Variants in SLC22A15 observed in about 807,000 individuals in gnomAD.
SLC22A15 encodes solute carrier family 22 member 15.
SLC22A15 carries 45 observed loss-of-function variants against 62.7 expected under a neutral mutation model. The observed-to-expected ratio is 0.72, with a 90% CI of 0.56 to 0.92. The LOEUF is 0.92. Ranked by LOEUF, SLC22A15 falls within the 40% of genes least tolerant of loss-of-function variation. The probability of loss-of-function intolerance (pLI) is 0.00; values close to 1 mark genes in which losing one functional copy is unlikely to be tolerated. For missense variants in SLC22A15, 622 were observed against 665.6 expected (o/e 0.93, Z 0.72); for synonymous variants, 264 against 267.0 (o/e 0.99, Z 0.11).
chr1:116,055,575 T>TA (rs1215936453), intron 8 of SLC22A15, among the ~76,000 whole-genome samples: 3 of 148,870 alleles, frequency 2.0e-5, no homozygotes, highest in African/African-American at 7.5e-5. Flanking sequence ...ATCATCCTGA[T>TA]ACCAAAGCCG....
intron 8 of SLC22A15, among the ~76,000 whole-genome samples, chr1:116,037,844 T>C (rs1157798887): frequency 1.3e-5 from 2 of 152,166 alleles, no homozygotes; most frequent in South Asian, 2.1e-4. Flanking sequence ...ACAAGAATAA[T>C]GGGGATGGTA....
intron 5 of SLC22A15, among the ~76,000 whole-genome samples, chr1:116,027,702 C>T (rs531397250): frequency 3.3e-5 from 5 of 152,028 alleles, no homozygotes; most frequent in Non-Finnish European, 7.4e-5. Context: ...CTCGGCTCAC[C>T]GCAACCTCTG....
chr1:115,978,838 C>T (rs1654454168), intron 1 of SLC22A15, among the ~76,000 whole-genome samples: 1 of 152,228 alleles, frequency 6.6e-6, no homozygotes, highest in Non-Finnish European at 1.5e-5. Context: ...TTTGCTTCCC[C>T]CAGCAGAGTA....
chr1:116,036,996 A>G (rs994219079), intron 7 of SLC22A15, among the ~76,000 whole-genome samples: 1 of 152,246 alleles, frequency 6.6e-6, no homozygotes, highest in Non-Finnish European at 1.5e-5. Flanking sequence ...ATTAAATAAG[A>G]TAATAGATGG....
intron 11 of SLC22A15, 74 bp from the exon 12 acceptor site, chr1:116,066,945 T>C (rs1200308733): frequency 9.2e-6 from 11 of 1,193,292 alleles, no homozygotes; most frequent in African/African-American, 1.5e-5. Context: ...GTCAGTTGAA[T>C]AGCTAGATGG....
At chr1:115,990,682 T>C (rs186914892) in intron 1 of SLC22A15, among the ~76,000 whole-genome samples, 2 of 152,184 alleles carry the variant, frequency 1.3e-5, no homozygotes, top group South Asian at 2.1e-4. Flanking sequence ...AGGCCCACCA[T>C]TGATGGACTC....
At chr1:115,998,620 G>A (rs1655546694) in intron 2 of SLC22A15, among the ~76,000 whole-genome samples, 1 of 151,966 alleles carries the variant, frequency 6.6e-6, no homozygotes. Flanking sequence ...AATTTCTGTT[G>A]TGTCAGTTTT....
intron 1 of SLC22A15, among the ~76,000 whole-genome samples, chr1:115,988,178 A>T (rs1654967660): frequency 6.6e-6 from 1 of 152,102 alleles, no homozygotes; most frequent in Non-Finnish European, 1.5e-5. Flanking sequence ...GATTTATTTG[A>T]GATGTTGTTA....
rs575620166 is a variant in SLC22A15, at chr1:116,008,739, G to A, written c.301-10843G>A. Among the ~76,000 whole-genome samples, 3 of 152,302 alleles carry A rather than the reference G, an allele frequency of 2.0e-5. No individual in the cohort carries two copies. In the South Asian group the frequency reaches 6.2e-4, roughly 32 times the overall value. On this transcript the variant is annotated intron_variant, in intron 2 of 11. Coordinates refer to ENST00000369503, the MANE Select transcript of SLC22A15 (RefSeq NM_018420.3). ...TAATACTAGTCTGCTAATTAAAAAG[G>A]GAAGAAGACATGGGCTCAGAGTAGC...
intron 2 of SLC22A15, among the ~76,000 whole-genome samples, chr1:116,003,022 T>C (rs1655812517): frequency 6.6e-6 from 1 of 152,072 alleles, no homozygotes; most frequent in Non-Finnish European, 1.5e-5. Flanking sequence ...CTACCACTGG[T>C]ATTTATTCTA....
intron 8 of SLC22A15, among the ~76,000 whole-genome samples, chr1:116,039,872 G>A (rs1204910059): frequency 6.6e-6 from 1 of 151,976 alleles, no homozygotes; most frequent in Non-Finnish European, 1.5e-5. Flanking sequence ...GTTTTTCAAA[G>A]CTTTAGGCTA....
At chr1:116,016,637 T>G (rs1048917630) in intron 2 of SLC22A15, among the ~76,000 whole-genome samples, 1 of 152,202 alleles carries the variant, frequency 6.6e-6, no homozygotes, top group African/African-American at 2.4e-5. Context: ...TGTCTGAGCT[T>G]CTTCACACAG....
chr1:116,007,852 A>G (rs924555246), intron 2 of SLC22A15, among the ~76,000 whole-genome samples: 1 of 152,260 alleles, frequency 6.6e-6, no homozygotes, highest in African/African-American at 2.4e-5. Flanking sequence ...AAAAAAGAAT[A>G]GAAGCCTTTA....
At chr1:115,998,381 A>G (rs964452339) in intron 2 of SLC22A15, among the ~76,000 whole-genome samples, 1 of 152,094 alleles carries the variant, frequency 6.6e-6, no homozygotes, top group African/African-American at 2.4e-5. Context: ...TCTTCTTTAA[A>G]TGTTTGGTAG....
intron 8 of SLC22A15, among the ~76,000 whole-genome samples, chr1:116,044,861 AAAG>A (rs1343985707): frequency 2.0e-5 from 3 of 152,196 alleles, no homozygotes; most frequent in South Asian, 2.1e-4. Context: ...GAGAAAAATT[AAAG>A]AAGATGAACT....
intron 8 of SLC22A15, among the ~76,000 whole-genome samples, chr1:116,055,234 TC>T (rs1658169245): frequency 6.6e-6 from 1 of 151,984 alleles, no homozygotes. Context: ...TCACCACCTA[TC>T]CCACAGAAAT....
intron 8 of SLC22A15, among the ~76,000 whole-genome samples, chr1:116,046,707 A>C (rs1657938420): frequency 6.6e-6 from 1 of 152,208 alleles, no homozygotes; most frequent in African/African-American, 2.4e-5. Flanking sequence ...GGACCCGGAG[A>C]CATTCCAAAT....
At chr1:115,995,151 C>A (rs1055406097) in intron 2 of SLC22A15, among the ~76,000 whole-genome samples, 2 of 152,132 alleles carry the variant, frequency 1.3e-5, no homozygotes, top group African/African-American at 4.8e-5. Flanking sequence ...GGTATCATAT[C>A]AAAAGACACA....
intron 2 of SLC22A15, among the ~76,000 whole-genome samples, chr1:115,997,392 A>G (rs1302381364): frequency 1.3e-5 from 2 of 152,190 alleles, no homozygotes; most frequent in African/African-American, 4.8e-5. Flanking sequence ...TGCTTTGGGT[A>G]GAATGGACAT....
Sources: gnomAD v4.1 joint callset for allele counts (sites outside exome capture counted in the v4.1 genomes callset) on GRCh38, gnomAD v4.1.1 for gene constraint, MANE v1.5 for transcripts, NCBI Gene and HGNC (gene_info 2026-07-23, HGNC 2026-07-21) for gene names.